NEIL3: variants seen among roughly 807,000 people sequenced by gnomAD.
NEIL3 encodes nei like DNA glycosylase 3.
NEIL3 carries 48 observed loss-of-function variants against 57.5 expected under a neutral mutation model. The ratio of observed to expected loss-of-function variants is 0.83; its 90% confidence interval spans 0.66 to 1.06. The LOEUF (loss-of-function observed/expected upper bound fraction) is 1.06, where lower values mean the gene tolerates loss of function less well. Ranked by LOEUF, NEIL3 falls within the 50% of genes least tolerant of loss-of-function variation. The pLI, the probability that NEIL3 is intolerant of heterozygous loss-of-function variation, is 0.00. For missense variants in NEIL3, 717 were observed against 739.1 expected, an observed-to-expected ratio of 0.97 and a Z score of 0.35; for synonymous variants, 261 against 253.2, an observed-to-expected ratio of 1.03 and a Z score of -0.29.
downstream of NEIL3, among the ~76,000 whole-genome samples, chr4:177,366,681 G>A (rs1735697459): frequency 6.6e-6 from 1 of 152,180 alleles, no homozygotes; most frequent in Non-Finnish European, 1.5e-5. Flanking sequence ...TTACAGGCGT[G>A]AGCCACCGCG....
At chr4:177,371,249 A>T in the NEIL3 span, among the ~76,000 whole-genome samples, 2 of 152,226 alleles carry the variant, frequency 1.3e-5, no homozygotes, top group Non-Finnish European at 2.9e-5. Context: ...ACCTATTAAT[A>T]AATACTTGCC....
downstream of NEIL3, among the ~76,000 whole-genome samples, chr4:177,364,871 T>G (rs1176670870): frequency 5.3e-5 from 8 of 150,226 alleles, no homozygotes; most frequent in African/African-American, 1.5e-4. Context: ...GAGGTTGCAG[T>G]GAGCTGAGAT....
At chr4:177,359,422 TTCTCTGAAC>T (rs1250353945) in intron 8 of NEIL3, among the ~76,000 whole-genome samples, 1 of 152,180 alleles carries the variant, frequency 6.6e-6, no homozygotes, top group African/African-American at 2.4e-5. Flanking sequence ...AGAGATTGCA[TTCTCTGAAC>T]ATTTCAATTA....
chr4:177,328,661 T>A (rs1330637284), intron 2 of NEIL3, among the ~76,000 whole-genome samples: 1 of 152,162 alleles, frequency 6.6e-6, no homozygotes, highest in East Asian at 1.9e-4. Flanking sequence ...GCAGGAGACC[T>A]GCAGTGCAAG....
At position 177,342,167 on chromosome 4, in the gene NEIL3, T is replaced by C. The variant is rs558277235; in HGVS notation, c.869+525T>C. On this transcript the variant is annotated intron_variant, in intron 6 of 9. Coordinates refer to ENST00000264596, the MANE Select transcript of NEIL3 (RefSeq NM_018248.3). Reference sequence around the variant, plus strand: ...TTTGAGGACTTACTGTGAGAAGTATTTGGGCTAAAACTCCATTGATCACCT... The same window carrying C: ...TTTGAGGACTTACTGTGAGAAGTATCTGGGCTAAAACTCCATTGATCACCT... 7.2e-5 allele frequency among the ~76,000 whole-genome samples: 11 copies of C among 152,322 alleles called. No individual in the cohort carries two copies. In the South Asian group the frequency reaches 1.7e-3, roughly 23 times the overall value.
intron 8 of NEIL3, among the ~76,000 whole-genome samples, chr4:177,358,327 GAGA>G (rs1041807497): frequency 2.0e-5 from 3 of 150,904 alleles, no homozygotes; most frequent in African/African-American, 4.9e-5. Context: ...TGTTTTTTTT[GAGA>G]AGGAGTCTTG....
chr4:177,320,462 CTGTCTTTTTTTTTTTT>C (rs1448323669), intron 1 of NEIL3, among the ~76,000 whole-genome samples: 1 of 110,694 alleles, frequency 9.0e-6, no homozygotes, highest in Non-Finnish European at 1.8e-5. Context: ...GAAGTGACTG[CTGTCTTTTTTTTTTTT>C]TTTTTTTTTT....
downstream of NEIL3, among the ~76,000 whole-genome samples, chr4:177,367,795 T>C (rs961074001): frequency 7.9e-5 from 12 of 152,204 alleles, no homozygotes; most frequent in African/African-American, 2.7e-4. Context: ...GGGAAGACAG[T>C]GATTTCGAGA....
intron 6 of NEIL3, among the ~76,000 whole-genome samples, chr4:177,346,786 G>A (rs970415183): frequency 6.6e-6 from 1 of 152,078 alleles, no homozygotes; most frequent in Non-Finnish European, 1.5e-5. Flanking sequence ...AGGTTCACGA[G>A]GTCAAGAGAT....
chr4:177,366,526 G>A (rs1735695681), downstream of NEIL3, among the ~76,000 whole-genome samples: 1 of 152,138 alleles, frequency 6.6e-6, no homozygotes, highest in African/African-American at 2.4e-5. Context: ...AGCCTCCTGA[G>A]TAGCTGGGAT....
rs1400637921 is a variant in NEIL3, at chr4:177,339,798, G to A, written c.643G>A (p.Asp215Asn). Residue 215 changes from aspartate (D) to asparagine (N), a missense_variant, in exon 5 of 10, where the codon GAT becomes AAT. By Grantham distance (23) the Asp-to-Asn change is conservative. Coordinates refer to ENST00000264596, the MANE Select transcript of NEIL3 (RefSeq NM_018248.3). ...HPAVKVCQLT[D>N]EQIHHLMKMI... ...CCACTTCAAGGTTTGTCAATTAACA[G>A]ATGAACAGATCCATCACCTCATGAA... The A allele has an allele frequency of 2.5e-6, 4 of 1,613,482 alleles. No homozygotes were observed. The highest frequency in any genetic ancestry group is 3.4e-6 in the Non-Finnish European group (4 of 1,179,454).
At chr4:177,338,024 T>TCACA (rs35763650) in intron 4 of NEIL3, among the ~76,000 whole-genome samples, 8,695 of 149,442 alleles carry the variant, frequency 0.058, 307 homozygotes, top group Non-Finnish European at 0.079. Context: ...TCTCTCTCTC[T>TCACA]CACACACACA....
chr4:177,356,007 G>A (rs796535205), intron 8 of NEIL3, among the ~76,000 whole-genome samples: 11 of 152,104 alleles, frequency 7.2e-5, no homozygotes, highest in African/African-American at 2.6e-4. Flanking sequence ...ACCCTAATTA[G>A]TGCCTCATGA....
In NEIL3 at chr4:177,349,793, A is replaced by G. The variant is rs1451801568; in HGVS notation, c.870-1587A>G. 2.6e-5 allele frequency among the ~76,000 whole-genome samples: 4 copies of G among 152,216 alleles called. No individual in the cohort carries two copies. The South Asian group carries it at 6.2e-4, about 24-fold the overall frequency. ...GAAAGAATGTTTCCAAAGCCTCCAT[A>G]TGTAACAATAAAATTCTCCTTATGA... On this transcript the variant is annotated intron_variant, in intron 6 of 9. Coordinates refer to ENST00000264596, the MANE Select transcript of NEIL3 (RefSeq NM_018248.3).
intron 2 of NEIL3, among the ~76,000 whole-genome samples, chr4:177,333,952 T>A (rs1734928981): frequency 6.6e-6 from 1 of 152,154 alleles, no homozygotes; most frequent in South Asian, 2.1e-4. Context: ...GCAACTGTGG[T>A]TGGCAGGTAG....
chr4:177,344,727 A>G (rs888324444), intron 6 of NEIL3, among the ~76,000 whole-genome samples: 4 of 151,764 alleles, frequency 2.6e-5, no homozygotes, highest in Non-Finnish European at 4.4e-5. Flanking sequence ...ACGCCCAGCT[A>G]ATTTTTGTAT....
intron 2 of NEIL3, among the ~76,000 whole-genome samples, chr4:177,328,336 A>G (rs560681364): frequency 1.3e-5 from 2 of 152,320 alleles, no homozygotes; most frequent in Admixed American, 1.3e-4. Context: ...TTTTCTTAAC[A>G]AACCACAGAT....
At chr4:177,337,978 C>A (rs1735009410) in intron 4 of NEIL3, among the ~76,000 whole-genome samples, 1 of 152,080 alleles carries the variant, frequency 6.6e-6, no homozygotes, top group Non-Finnish European at 1.5e-5. Context: ...GAGATCACGC[C>A]ACTGCACTGC....
At chr4:177,353,249 A>T in intron 7 of NEIL3, 59 bp from the exon 8 acceptor site, 1 of 1,372,066 alleles carries the variant, frequency 7.3e-7, no homozygotes, top group Non-Finnish European at 1.0e-6. Context: ...AAGATGTTTC[A>T]CATAATCAGT....
Sources: gnomAD v4.1 joint callset for allele counts (sites outside exome capture counted in the v4.1 genomes callset) on GRCh38, gnomAD v4.1.1 for gene constraint, MANE v1.5 for transcripts, NCBI Gene and HGNC (gene_info 2026-07-23, HGNC 2026-07-21) for gene names.